Variants in ARHGAP42 observed in about 807,000 individuals in gnomAD.
ARHGAP42 encodes Rho GTPase activating protein 42.
A neutral mutation model predicts 125.0 loss-of-function variants in ARHGAP42; 63 were observed. That is an observed-to-expected ratio of 0.50 (90% CI 0.41 to 0.62). The LOEUF is 0.62. ARHGAP42 is among the 20% of genes least tolerant of loss of function. The probability of loss-of-function intolerance (pLI) is 0.00; values close to 1 mark genes in which losing one functional copy is unlikely to be tolerated. For synonymous variants in ARHGAP42, 339 were observed against 351.0 expected, an observed-to-expected ratio of 0.97 and a Z score of 0.38; for missense variants, 766 against 1,024.2, an observed-to-expected ratio of 0.75 and a Z score of 3.44.
At chr11:100,874,223 G>A (rs1043737016) in intron 4 of ARHGAP42, among the ~76,000 whole-genome samples, 3 of 152,140 alleles carry the variant, frequency 2.0e-5, no homozygotes, top group Non-Finnish European at 4.4e-5. Context: ...ACCTGCTATT[G>A]TGGGAAGTAA....
chr11:100,707,071 G>T (rs1861491170), intron 1 of ARHGAP42, among the ~76,000 whole-genome samples: 1 of 152,172 alleles, frequency 6.6e-6, no homozygotes, highest in Non-Finnish European at 1.5e-5. Context: ...TTTAAACATA[G>T]ACCAGTATTT....
At chr11:100,725,443 A>C (rs1217777748) in intron 1 of ARHGAP42, among the ~76,000 whole-genome samples, 1 of 151,628 alleles carries the variant, frequency 6.6e-6, no homozygotes, top group Admixed American at 6.6e-5. Context: ...TGCTGGGATT[A>C]CAGGCGTGAG....
At chr11:100,694,042 A>G (rs1591110660) in intron 1 of ARHGAP42, among the ~76,000 whole-genome samples, 3 of 151,164 alleles carry the variant, frequency 2.0e-5, no homozygotes, top group South Asian at 2.1e-4. Context: ...AGCAATTCTC[A>G]TGTCTCAGCC....
intron 1 of ARHGAP42, among the ~76,000 whole-genome samples, chr11:100,702,685 TTTTG>T (rs1861417159): frequency 6.6e-6 from 1 of 151,396 alleles, no homozygotes; most frequent in Non-Finnish European, 1.5e-5. Flanking sequence ...TTTTTTTTTT[TTTTG>T]ACACGGAGTT....
At chr11:100,716,048 G>A (rs1161599745) in intron 1 of ARHGAP42, among the ~76,000 whole-genome samples, 1 of 152,154 alleles carries the variant, frequency 6.6e-6, no homozygotes, top group Non-Finnish European at 1.5e-5. Context: ...TCATAACAGG[G>A]CTGACAAATT....
intron 4 of ARHGAP42, among the ~76,000 whole-genome samples, chr11:100,862,175 C>A (rs1470126259): frequency 6.6e-6 from 1 of 152,084 alleles, no homozygotes; most frequent in Non-Finnish European, 1.5e-5. Flanking sequence ...TAGTGTTATA[C>A]CTGCTTACAA....
chr11:100,853,074 A>C (rs1865242652), intron 3 of ARHGAP42, among the ~76,000 whole-genome samples: 1 of 152,244 alleles, frequency 6.6e-6, no homozygotes, highest in African/African-American at 2.4e-5. Context: ...GAGTTAATAT[A>C]GTCTTTTAAA....
intron 1 of ARHGAP42, among the ~76,000 whole-genome samples, chr11:100,758,474 A>G (rs1275055177): frequency 6.6e-6 from 1 of 152,192 alleles, no homozygotes; most frequent in Non-Finnish European, 1.5e-5. Context: ...TGGAATACGG[A>G]CAGTTTGACT....
chr11:100,753,503 A>C (rs1036089175), intron 1 of ARHGAP42, among the ~76,000 whole-genome samples: 1 of 152,144 alleles, frequency 6.6e-6, no homozygotes, highest in African/African-American at 2.4e-5. Flanking sequence ...AGTGCTTCCC[A>C]CTCAACCCCT....
At chr11:100,699,500 ATATATATTTTTTTTTTTTTTTTTTTT>A (rs1287736692) in intron 1 of ARHGAP42, among the ~76,000 whole-genome samples, 5 of 40,148 alleles carry the variant, frequency 1.2e-4, no homozygotes, top group African/African-American at 5.4e-4. Flanking sequence ...ATATATATAT[ATATATATTTTTTTTTTTTTTTTTTTT>A]TTTTTTTTTT....
chr11:100,932,089 G>T (rs961141774), intron 6 of ARHGAP42, among the ~76,000 whole-genome samples: 11 of 152,124 alleles, frequency 7.2e-5, no homozygotes, highest in African/African-American at 2.4e-4. Context: ...AACTTGACTT[G>T]TTTGTAGGAA....
intron 22 of ARHGAP42, 27 bp from the exon 23 acceptor site, chr11:100,987,486 T>C: frequency 6.5e-7 from 1 of 1,542,706 alleles, no homozygotes; most frequent in Non-Finnish European, 8.8e-7. Context: ...AGTGTTGAGG[T>C]TTTGACAAGT....
In ARHGAP42 at chr11:100,965,750, G is replaced by A; in HGVS notation, c.1524G>A (p.Leu508=). Residue 508 remains leucine, a synonymous_variant, in exon 17 of 24, where the codon CTG becomes CTA. Transcript: ENST00000298815. The stretch of plus-strand genomic sequence containing the variant: ...TGCCGGAGAAAAACAGAGAGATGCT[G>A]GACATCTTAATAAAGCATCTGGTCA... The part of the protein sequence containing the change: ...HKLPEKNREM[L]DILIKHLVKV... 5 of 1,551,050 alleles carry A rather than the reference G, an allele frequency of 3.2e-6. No homozygotes were observed. Among genetic ancestry groups the A allele is most frequent in the Non-Finnish European group, 4.4e-6 (5 of 1,146,626 alleles).
rs1003565945 is a variant in ARHGAP42, at chr11:100,687,581, C to T, written c.-98C>T. 40 of 1,005,114 alleles carry T rather than the reference C, an allele frequency of 4.0e-5. 1 individual carries two copies. Among genetic ancestry groups the T allele is most frequent in the Non-Finnish European group, 5.0e-5 (40 of 801,742 alleles). The allele number at this position is 1,005,114 out of a possible 1,614,324, so 62.3% of individuals were successfully genotyped here. ...CCCTCGCGTCCCGGCGCCTTCCCCG[C>T]GATCGCGCGACCCCAGCGCCCGCCG... On this transcript the variant is annotated 5_prime_UTR_variant, in exon 1 of 24. Coordinates refer to ENST00000298815, the MANE Select transcript of ARHGAP42 (RefSeq NM_152432.4).
At chr11:100,751,806 A>G (rs1188279107) in intron 1 of ARHGAP42, among the ~76,000 whole-genome samples, 1 of 108,094 alleles carries the variant, frequency 9.3e-6, no homozygotes, top group Non-Finnish European at 1.9e-5. Flanking sequence ...TTTTGACGGA[A>G]TCTCCCTTTG....
intron 3 of ARHGAP42, among the ~76,000 whole-genome samples, chr11:100,845,576 A>G (rs1024157250): frequency 6.6e-6 from 1 of 152,150 alleles, no homozygotes; most frequent in African/African-American, 2.4e-5. Flanking sequence ...GTGATGGTAA[A>G]CAAACTAGAA....
intron 8 of ARHGAP42, 36 bp downstream of exon 8, chr11:100,936,368 A>G (rs938774741): frequency 6.5e-7 from 1 of 1,550,384 alleles, no homozygotes; most frequent in African/African-American, 1.4e-5. Context: ...GTCTCTTATG[A>G]CTTAGCCACG....
intron 4 of ARHGAP42, among the ~76,000 whole-genome samples, chr11:100,903,155 A>ACACACACACACC (rs1236722352): frequency 4.6e-5 from 7 of 151,010 alleles, no homozygotes; most frequent in Middle Eastern, 3.2e-3. Flanking sequence ...ACACACACAC[A>ACACACACACACC]CCAAGCTTTA....
At chr11:100,932,382 T>C (rs1425932526) in intron 6 of ARHGAP42, among the ~76,000 whole-genome samples, 1 of 152,132 alleles carries the variant, frequency 6.6e-6, no homozygotes, top group Non-Finnish European at 1.5e-5. Flanking sequence ...GTCTGTGAAA[T>C]AAAATCCCTG....
Sources: allele counts gnomAD v4.1 joint callset (sites outside exome capture counted in the v4.1 genomes callset), GRCh38; gene constraint gnomAD v4.1.1; transcripts MANE v1.5; gene names NCBI Gene and HGNC (gene_info 2026-07-23, HGNC 2026-07-21).